The following HOMER2 variants were observed in gnomAD, a reference collection of about 807,000 sequenced individuals.
HOMER2 encodes the protein homer protein homolog 2.
A neutral mutation model predicts 47.0 loss-of-function variants in HOMER2; 27 were observed. The observed-to-expected ratio is 0.57, with a 90% CI of 0.42 to 0.79. The LOEUF is 0.79. Ranked by LOEUF, HOMER2 falls within the 30% of genes least tolerant of loss-of-function variation. The probability of loss-of-function intolerance (pLI) is 0.00; values close to 1 mark genes in which losing one functional copy is unlikely to be tolerated. For synonymous variants in HOMER2, 161 were observed against 163.8 expected (o/e 0.98, Z 0.13); for missense variants, 443 against 435.0 (o/e 1.02, Z -0.16).
intron 2 of HOMER2, among the ~76,000 whole-genome samples, chr15:82,890,749 C>T (rs1331683326): frequency 6.6e-6 from 1 of 152,158 alleles, no homozygotes; most frequent in East Asian, 1.9e-4. Flanking sequence ...TTGGATAACT[C>T]AACTGACAAA....
intron 1 of HOMER2, among the ~76,000 whole-genome samples, chr15:82,911,266 G>C (rs2053445503): frequency 6.6e-6 from 1 of 152,144 alleles, no homozygotes; most frequent in Non-Finnish European, 1.5e-5. Context: ...TAAAAACTTA[G>C]AAGTCTAGGA....
At chr15:82,890,070 C>T (rs1194145012) in intron 2 of HOMER2, among the ~76,000 whole-genome samples, 2 of 152,152 alleles carry the variant, frequency 1.3e-5, no homozygotes, top group African/African-American at 2.4e-5. Context: ...GGCGGCAGGG[C>T]GCGTTGGCTC....
upstream of HOMER2, among the ~76,000 whole-genome samples, chr15:82,953,418 G>C (rs924972008): frequency 6.6e-6 from 1 of 152,170 alleles, no homozygotes; most frequent in Non-Finnish European, 1.5e-5. Context: ...ACTTGAAGAA[G>C]AGCAGGCTCT....
upstream of HOMER2, among the ~76,000 whole-genome samples, chr15:82,954,172 A>C (rs975900947): frequency 1.3e-5 from 2 of 152,226 alleles, no homozygotes; most frequent in Non-Finnish European, 2.9e-5. Flanking sequence ...CAATATCAGG[A>C]AAGTGAGCTT....
chr15:82,867,911 A>C (rs1306299944), intron 3 of HOMER2, among the ~76,000 whole-genome samples: 1 of 152,134 alleles, frequency 6.6e-6, no homozygotes, highest in African/African-American at 2.4e-5. Context: ...TGATAGAGAG[A>C]AACTTCCTCT....
At chr15:82,929,498 A>G (rs2053949464) in intron 1 of HOMER2, among the ~76,000 whole-genome samples, 1 of 151,908 alleles carries the variant, frequency 6.6e-6, no homozygotes, top group Admixed American at 6.6e-5. Flanking sequence ...TCTACTAAAA[A>G]TACAAAAATT....
At position 82,951,789 on chromosome 15, in the gene HOMER2, T is replaced by A. The variant is rs549379168; in HGVS notation, c.5+742A>T. ...GACATAAGTGTCCCCTGAATACGTATGGCAAACCGTCAACGTGTGCCCAAA... is the reference window on the plus strand; with the variant it reads ...GACATAAGTGTCCCCTGAATACGTAAGGCAAACCGTCAACGTGTGCCCAAA... On this transcript the variant is annotated intron_variant, in intron 1 of 8. Transcript: ENST00000450735. Among the ~76,000 whole-genome samples the A allele has an allele frequency of 3.3e-5, 5 of 152,356 alleles. No homozygotes were observed. The South Asian group carries it at 8.3e-4, about 25-fold the overall frequency.
At chr15:82,897,065 CTTTTTTTT>C (rs68038013) in intron 1 of HOMER2, among the ~76,000 whole-genome samples, 5 of 101,828 alleles carry the variant, frequency 4.9e-5, no homozygotes, top group African/African-American at 1.5e-4. Flanking sequence ...GATGTCATTT[CTTTTTTTT>C]TTTTTTTTTT....
In HOMER2 at chr15:82,913,423, C is replaced by A. The variant is rs573811494; in HGVS notation, c.6-20582G>T. Among the ~76,000 whole-genome samples the A allele has an allele frequency of 6.6e-6, 1 of 152,134 alleles. No individual in the cohort carries two copies. Among genetic ancestry groups the A allele is most frequent in the Non-Finnish European group, 1.5e-5 (1 of 68,024 alleles). On this transcript the variant is annotated intron_variant, in intron 1 of 8. Transcript: ENST00000450735. The surrounding 1 kb of genome is among the most constrained non-coding windows in gnomAD (Gnocchi z 4.1). ...TCCTTCTAGAACTTCTCTTCTGCAT[C>A]TGGAAACCCCATGCAGTTCCTAACC... is the stretch of plus-strand genomic sequence containing the variant.
At chr15:82,944,971 G>A (rs1242593303) in intron 1 of HOMER2, among the ~76,000 whole-genome samples, 1 of 151,944 alleles carries the variant, frequency 6.6e-6, no homozygotes, top group Non-Finnish European at 1.5e-5. Flanking sequence ...AGAATTACTC[G>A]GCCCTGATAT....
chr15:82,896,992 A>C (rs567797338), intron 1 of HOMER2, among the ~76,000 whole-genome samples: 1 of 151,832 alleles, frequency 6.6e-6, no homozygotes, highest in East Asian at 1.9e-4. Context: ...GTGGGGAAAC[A>C]GGAACTCAGA....
chr15:82,905,279 G>GAA (rs35323193), intron 1 of HOMER2, among the ~76,000 whole-genome samples: 35,010 of 133,838 alleles, frequency 0.26, 4,366 homozygotes, highest in East Asian at 0.42. Context: ...AGAAAAGACT[G>GAA]AAAAAAAAAA....
chr15:82,890,110 C>T (rs969764903), intron 2 of HOMER2, among the ~76,000 whole-genome samples: 3 of 152,028 alleles, frequency 2.0e-5, no homozygotes, highest in South Asian at 2.1e-4. Flanking sequence ...TTTGGGAGGC[C>T]GAGGGGCAGA....
chr15:82,855,254 A>AGGT (rs1221172329), intron 5 of HOMER2, among the ~76,000 whole-genome samples: 1 of 122,230 alleles, frequency 8.2e-6, no homozygotes, highest in Non-Finnish European at 1.6e-5. Flanking sequence ...TGAACCCAGG[A>AGGT]GGTGGAGGTT....
chr15:82,940,466 G>A (rs1260938846), intron 1 of HOMER2, among the ~76,000 whole-genome samples: 2 of 152,194 alleles, frequency 1.3e-5, no homozygotes, highest in East Asian at 3.8e-4. Context: ...TGCATGGGCT[G>A]GGCGTGGTGG....
At chr15:82,850,041 AC>A in intron 8 of HOMER2, 138 bp from the exon 9 acceptor site, 2 of 763,754 alleles carry the variant, frequency 2.6e-6, no homozygotes, top group South Asian at 1.9e-5. Flanking sequence ...GAGACATGCT[AC>A]CCCAGCACAC....
chr15:82,948,055 G>A (rs908490075), intron 1 of HOMER2, among the ~76,000 whole-genome samples: 70 of 152,108 alleles, frequency 4.6e-4, no homozygotes, highest in Admixed American at 1.3e-4. Context: ...GACCAGCCAG[G>A]CCAACATGGT....
At chr15:82,855,712 C>T (rs2051563457) in intron 5 of HOMER2, among the ~76,000 whole-genome samples, 1 of 152,182 alleles carries the variant, frequency 6.6e-6, no homozygotes, top group African/African-American at 2.4e-5. Flanking sequence ...TCTGGCTGGC[C>T]CATATCCCCC....
intron 1 of HOMER2, among the ~76,000 whole-genome samples, chr15:82,938,482 C>G (rs1305459174): frequency 6.6e-6 from 1 of 152,204 alleles, no homozygotes; most frequent in Non-Finnish European, 1.5e-5. Context: ...GGACGATGCA[C>G]TCCTCTTCAG....
Sources: allele counts gnomAD v4.1 joint callset (sites outside exome capture counted in the v4.1 genomes callset), GRCh38; gene constraint gnomAD v4.1.1; non-coding constraint Gnocchi (gnomAD v3.1); transcripts MANE v1.5; gene names NCBI Gene and HGNC (gene_info 2026-07-23, HGNC 2026-07-21).